Variants in ADAMTSL1 observed in about 807,000 individuals in gnomAD.
ADAMTSL1 encodes ADAMTS-like protein 1.
Under a neutral mutation model 201.8 loss-of-function variants are expected in ADAMTSL1, and 126 were observed. The ratio of observed to expected loss-of-function variants is 0.62; its 90% CI spans 0.54 to 0.72. The LOEUF is 0.72. Among genes scored for constraint, ADAMTSL1 ranks in the 30% least tolerant of loss-of-function variants. The pLI, the probability that ADAMTSL1 is intolerant of heterozygous loss-of-function variation, is 0.00. For missense variants in ADAMTSL1, 2,679 were observed against 2,277.8 expected, an observed-to-expected ratio of 1.18 and a Z score of -3.59; for synonymous variants, 1,121 against 903.4, an observed-to-expected ratio of 1.24 and a Z score of -4.32.
intron 2 of ADAMTSL1, among the ~76,000 whole-genome samples, chr9:18,363,647 A>G (rs963579597): frequency 6.6e-6 from 1 of 152,204 alleles, no homozygotes; most frequent in Admixed American, 6.5e-5. Context: ...AAATCTTGCT[A>G]TGGTACTTAT....
chr9:18,477,835 C>A (rs1821530389), intron 1 of ADAMTSL1, among the ~76,000 whole-genome samples: 1 of 152,104 alleles, frequency 6.6e-6, no homozygotes, highest in African/African-American at 2.4e-5. Context: ...CACTTTCTGG[C>A]CCCCATTATT....
chr9:18,749,526 A>T (rs1159984131), intron 15 of ADAMTSL1, among the ~76,000 whole-genome samples: 3 of 152,142 alleles, frequency 2.0e-5, no homozygotes, highest in African/African-American at 7.2e-5. Flanking sequence ...CAGGCCCCAG[A>T]ACCTCAGAGA....
chr9:18,711,262 A>T (rs1832570917), intron 14 of ADAMTSL1, among the ~76,000 whole-genome samples: 2 of 152,232 alleles, frequency 1.3e-5, no homozygotes, highest in African/African-American at 4.8e-5. Context: ...CCGAATAGGA[A>T]CAGCTCCGAT....
intron 24 of ADAMTSL1, among the ~76,000 whole-genome samples, chr9:18,888,655 A>G (rs1009430494): frequency 3.9e-5 from 6 of 152,180 alleles, no homozygotes; most frequent in Admixed American, 2.0e-4. Context: ...AGGCCCAATC[A>G]GTGGGAAAGA....
intron 15 of ADAMTSL1, among the ~76,000 whole-genome samples, chr9:18,725,652 A>T (rs911195723): frequency 6.6e-6 from 1 of 152,164 alleles, no homozygotes; most frequent in African/African-American, 2.4e-5. Flanking sequence ...ATACATGAAT[A>T]TTCTCATTCT....
chr9:18,824,365 A>C (rs1209397406), intron 21 of ADAMTSL1, among the ~76,000 whole-genome samples: 1 of 152,068 alleles, frequency 6.6e-6, no homozygotes, highest in Non-Finnish European at 1.5e-5. Flanking sequence ...CCTCTTACAC[A>C]CTTGAGCATA....
At chr9:18,439,737 T>C (rs747582061) in intron 2 of ADAMTSL1, among the ~76,000 whole-genome samples, 17 of 152,242 alleles carry the variant, frequency 1.1e-4, no homozygotes, top group Non-Finnish European at 2.1e-4. Context: ...GACTCTAATG[T>C]AGTGCCTGGC....
chr9:18,085,752 C>T (rs1200888172), intron 1 of ADAMTSL1, among the ~76,000 whole-genome samples: 1 of 149,464 alleles, frequency 6.7e-6, no homozygotes, highest in Non-Finnish European at 1.5e-5. Flanking sequence ...TACGTGTATA[C>T]ATATATATGT....
At chr9:18,026,131 G>C (rs1586912929) in intron 1 of ADAMTSL1, among the ~76,000 whole-genome samples, 1 of 151,918 alleles carries the variant, frequency 6.6e-6, no homozygotes, top group African/African-American at 2.4e-5. Flanking sequence ...GAGTTTTCTA[G>C]GTGTGGAATC....
intron 15 of ADAMTSL1, among the ~76,000 whole-genome samples, chr9:18,726,216 C>G (rs1817882813): frequency 6.6e-6 from 1 of 152,062 alleles, no homozygotes; most frequent in African/African-American, 2.4e-5. Flanking sequence ...AATACTTAAG[C>G]TTCAGTCTGG....
intron 2 of ADAMTSL1, among the ~76,000 whole-genome samples, chr9:18,230,990 GTAA>G (rs1489448548): frequency 6.6e-6 from 1 of 152,134 alleles, no homozygotes; most frequent in Non-Finnish European, 1.5e-5. Flanking sequence ...TTTTGTTTAA[GTAA>G]TCGTGTGCTT....
chr9:18,871,267 A>C (rs1392422108), intron 23 of ADAMTSL1, among the ~76,000 whole-genome samples: 1 of 152,198 alleles, frequency 6.6e-6, no homozygotes, highest in African/African-American at 2.4e-5. Flanking sequence ...CCATTAATCC[A>C]TTCCAACAAT....
At chr9:18,783,672 C>T (rs1821534481) in intron 19 of ADAMTSL1, among the ~76,000 whole-genome samples, 2 of 152,112 alleles carry the variant, frequency 1.3e-5, no homozygotes, top group Non-Finnish European at 1.5e-5. Context: ...GTTAGGTTAA[C>T]TTGCTCAAGT....
chr9:17,983,598 T>C (rs1441314350), intron 1 of ADAMTSL1, among the ~76,000 whole-genome samples: 3 of 152,214 alleles, frequency 2.0e-5, no homozygotes, highest in African/African-American at 7.2e-5. Flanking sequence ...TATTATGTAA[T>C]TGACTAGCCT....
intron 23 of ADAMTSL1, among the ~76,000 whole-genome samples, chr9:18,833,278 A>T (rs545830968): frequency 2.6e-4 from 39 of 152,266 alleles, no homozygotes; most frequent in African/African-American, 8.7e-4. Flanking sequence ...TGAGGAATTG[A>T]CCACTGTCTT....
chr9:18,053,736 G>A (rs924600074), intron 1 of ADAMTSL1, among the ~76,000 whole-genome samples: 1 of 152,132 alleles, frequency 6.6e-6, no homozygotes, highest in Non-Finnish European at 1.5e-5. Flanking sequence ...CACTCACAAT[G>A]TACCAGGCTC....
intron 1 of ADAMTSL1, among the ~76,000 whole-genome samples, chr9:18,138,532 G>A (rs1826256243): frequency 6.6e-6 from 1 of 152,150 alleles, no homozygotes; most frequent in Admixed American, 6.5e-5. Context: ...AAAGCAGCTG[G>A]TGTGCGGCCA....
At chr9:18,607,727 C>T (rs1228919533) in intron 4 of ADAMTSL1, among the ~76,000 whole-genome samples, 7 of 151,916 alleles carry the variant, frequency 4.6e-5, no homozygotes, top group African/African-American at 1.7e-4. Context: ...TCCCTCCCCC[C>T]TACCCCCACC....
In ADAMTSL1 at chr9:18,016,841, T is replaced by C. The variant is rs971985271; in HGVS notation, c.87+109919T>C. On this transcript the variant is annotated intron_variant, in intron 1 of 29. Coordinates refer to the ADAMTSL1 transcript ENST00000680146. ...TTCTGCGTCATGTTTATGGTCAGTA[T>C]AATCAAACTTTGGAAGCTGGCTTTG... Among the ~76,000 whole-genome samples the C allele has an allele frequency of 9.2e-5, 14 of 152,208 alleles. 1 individual carries two copies. The South Asian group carries it at 2.9e-3, about 32-fold the overall frequency.
Sources: gnomAD v4.1 joint callset for allele counts (sites outside exome capture counted in the v4.1 genomes callset) on GRCh38, gnomAD v4.1.1 for gene constraint, MANE v1.5 for transcripts, NCBI Gene and HGNC (gene_info 2026-07-23, HGNC 2026-07-21) for gene names.